Variants in LRPPRC observed in about 807,000 individuals in gnomAD.
LRPPRC encodes leucine rich pentatricopeptide repeat containing.
Under a neutral mutation model 180.3 loss-of-function variants are expected in LRPPRC, and 120 were observed. The ratio of observed to expected loss-of-function variants is 0.67; its 90% confidence interval spans 0.57 to 0.77. The LOEUF is 0.77. Ranked by LOEUF, LRPPRC falls within the 30% of genes least tolerant of loss-of-function variation. The pLI is 0.00. For synonymous variants in LRPPRC, 723 were observed against 600.0 expected (o/e 1.21, Z -3.00); for missense variants, 2,012 against 1,657.2 (o/e 1.21, Z -3.72).
intron 11 of LRPPRC, among the ~76,000 whole-genome samples, chr2:43,969,205 G>A (rs1673693149): frequency 6.6e-6 from 1 of 152,202 alleles, no homozygotes; most frequent in Non-Finnish European, 1.5e-5. Flanking sequence ...AAGGTCAGGA[G>A]ATCGAGACCA....
intron 1 of LRPPRC, among the ~76,000 whole-genome samples, chr2:43,985,813 G>C (rs912728099): frequency 6.6e-6 from 1 of 152,194 alleles, no homozygotes; most frequent in Admixed American, 6.5e-5. Context: ...GTTTTGGTAT[G>C]GACATGCATT....
intron 32 of LRPPRC, 42 bp from the exon 33 acceptor site, chr2:43,899,647 G>A (rs751133332): frequency 7.1e-7 from 1 of 1,403,110 alleles, no homozygotes; most frequent in African/African-American, 1.4e-5. Context: ...TTGCTTTTAT[G>A]TTAATATTAC....
At position 43,975,383 on chromosome 2, in the gene LRPPRC, A is replaced by C. The variant is rs113277249; in HGVS notation, c.738-166T>G. Among the ~76,000 whole-genome samples, 148 of 152,348 alleles carry C rather than the reference A, an allele frequency of 9.7e-4. 3 individuals are homozygous for C. Among genetic ancestry groups the C allele is most frequent in the African/African-American group, 3.4e-3 (141 of 41,580 alleles). Reference sequence around the variant, plus strand: ...TAAACTGGATATATGTTTCTGAAATAATAAAGATCATAAACATCTGATCCC... The same window carrying C: ...TAAACTGGATATATGTTTCTGAAATCATAAAGATCATAAACATCTGATCCC... On this transcript the variant is annotated intron_variant, in intron 6 of 37. Transcript: ENST00000260665.
chr2:43,929,768 A>C (rs1475732864), intron 25 of LRPPRC, among the ~76,000 whole-genome samples: 2 of 152,126 alleles, frequency 1.3e-5, no homozygotes, highest in Non-Finnish European at 2.9e-5. Context: ...TCCAAGATAG[A>C]CTTGAAGACC....
intron 31 of LRPPRC, among the ~76,000 whole-genome samples, chr2:43,904,165 C>T (rs955822548): frequency 6.6e-6 from 1 of 152,124 alleles, no homozygotes; most frequent in African/African-American, 2.4e-5. Flanking sequence ...TGGTCTTGAA[C>T]TCCTGGACTC....
intron 27 of LRPPRC, among the ~76,000 whole-genome samples, chr2:43,920,721 T>C (rs577751363): frequency 2.6e-5 from 4 of 152,238 alleles, no homozygotes; most frequent in East Asian, 1.9e-4. Flanking sequence ...TGAATCTTTA[T>C]TCTGCAGTGG....
At chr2:43,973,571 G>T (rs374508283) in intron 11 of LRPPRC, 36 bp downstream of exon 11, 5 of 1,336,148 alleles carry the variant, frequency 3.7e-6, no homozygotes, top group Non-Finnish European at 5.4e-6. Context: ...ACTGGCTCTG[G>T]GAACCATTAC....
rs560365776 is a variant in LRPPRC at position 43,960,057 on chromosome 2, T to C, written c.1582+484A>G. Reference sequence around the variant, plus strand: ...TTGTATTAACATGTGATGAGCATTATAAAGCACACTAGTGTTTAAAAATGT... The same window carrying C: ...TTGTATTAACATGTGATGAGCATTACAAAGCACACTAGTGTTTAAAAATGT... On this transcript the variant is annotated intron_variant, in intron 13 of 37. Transcript: ENST00000260665. Among the ~76,000 whole-genome samples, 59 of 152,352 alleles carry C rather than the reference T, an allele frequency of 3.9e-4. 1 individual carries two copies. The South Asian group carries it at 0.011, about 29-fold the overall frequency.
At chr2:43,945,283 A>AT (rs1452849643) in intron 22 of LRPPRC, 49 bp downstream of exon 22, 4 of 1,181,640 alleles carry the variant, frequency 3.4e-6, no homozygotes, top group East Asian at 2.3e-5. Flanking sequence ...ATGTTATTCC[A>AT]GTGGCAAGAT....
At chr2:43,975,335 G>T in intron 6 of LRPPRC, 118 bp from the exon 7 acceptor site, 1 of 805,592 alleles carries the variant, frequency 1.2e-6, no homozygotes, top group Non-Finnish European at 2.0e-6. Flanking sequence ...GAATTATGAT[G>T]TCAGAAAAGA....
Position 43,976,859 on chromosome 2 carries a change from C to T in LRPPRC, c.650+135G>A, listed in dbSNP as rs150843836. Reference sequence around the variant, plus strand: ...TTATATTTTATGTAAGTCAGATTACCAGATTTTCTAGATTAAAACAGTTCT... The same window carrying T: ...TTATATTTTATGTAAGTCAGATTACTAGATTTTCTAGATTAAAACAGTTCT... On this transcript the variant is annotated intron_variant, in intron 5 of 37. Coordinates refer to ENST00000260665, the MANE Select transcript of LRPPRC (RefSeq NM_133259.4). 88 of 694,566 alleles carry T rather than the reference C, an allele frequency of 1.3e-4. No homozygotes were observed. In the East Asian group the frequency reaches 2.4e-3, roughly 19 times the overall value. 43.0% of individuals were successfully genotyped at this position (694,566 alleles called of 1,614,324 possible).
chr2:43,894,393 T>C lies in LRPPRC; in HGVS notation c.3985+152A>G, dbSNP rs1670607270. 1.7e-6 allele frequency: 1 copy of C among 585,000 alleles called. No individual in the cohort carries two copies. The highest frequency in any genetic ancestry group is 3.1e-6 in the Non-Finnish European group (1 of 323,356). 36.2% of individuals were successfully genotyped at this position (585,000 alleles called of 1,614,324 possible). A position where few individuals can be genotyped will look rare whatever the true frequency, so the allele number is the denominator to read the frequency against. ...AAAAACATATTCCAGAACTGAGTTA[T>C]TTATATCATAATTATCTGATATTTA... On this transcript the variant is annotated intron_variant, in intron 36 of 37. Coordinates refer to ENST00000260665, the MANE Select transcript of LRPPRC (RefSeq NM_133259.4).
In LRPPRC at chr2:43,909,554, C is replaced by T. The variant is rs1461881495; in HGVS notation, c.3275+2878G>A. ...AACAGCTAACAATACTGTATTTATA[C>T]TGAAAATTGCTAAGAGGATAGATCA... On this transcript the variant is annotated intron_variant, in intron 30 of 37. Transcript: ENST00000260665. Among the ~76,000 whole-genome samples, 3 of 151,478 alleles carry T rather than the reference C, an allele frequency of 2.0e-5. No homozygotes were observed. In the East Asian group the frequency reaches 5.8e-4, roughly 29 times the overall value.
intron 36 of LRPPRC, among the ~76,000 whole-genome samples, chr2:43,890,997 C>T (rs1379470804): frequency 1.3e-5 from 2 of 152,210 alleles, no homozygotes; most frequent in Non-Finnish European, 2.9e-5. Flanking sequence ...TCCGGCAGCA[C>T]CAGGGGAACC....
Position 43,918,275 on chromosome 2 carries a change from A to G in LRPPRC, c.3020T>C (p.Val1007Ala). Residue 1007 changes from valine (V) to alanine (A), a missense_variant, in exon 28 of 38, where the codon GTT (valine) becomes GCT (alanine). Val to Ala is a moderately conservative substitution (Grantham distance 64, BLOSUM62 0). Transcript: ENST00000260665. ...AEILREGNQE[V>A]PFDVPELWYE... ...AATTACCTCAGGTACGTCAAACGGA[A>G]CTTCCTGGTTACCCTCTCTAAGGAT... The G allele has an allele frequency of 6.2e-7, 1 of 1,613,306 alleles. No individual in the cohort carries two copies. The highest frequency in any genetic ancestry group is 8.5e-7 in the Non-Finnish European group (1 of 1,179,260).
chr2:43,928,938 G>C (rs1291161162), intron 25 of LRPPRC, among the ~76,000 whole-genome samples: 11 of 152,062 alleles, frequency 7.2e-5, no homozygotes, highest in African/African-American at 2.7e-4. Context: ...GGAAGTCTTA[G>C]CAATAGCAAA....
chr2:43,993,100 A>G (rs1674859507), intron 1 of LRPPRC, among the ~76,000 whole-genome samples: 2 of 152,230 alleles, frequency 1.3e-5, no homozygotes, highest in Admixed American at 1.3e-4. Context: ...CAATACCAAG[A>G]AAAGTGTCTC....
At chr2:43,965,677 C>T (rs897455939) in intron 11 of LRPPRC, among the ~76,000 whole-genome samples, 1 of 151,986 alleles carries the variant, frequency 6.6e-6, no homozygotes, top group Admixed American at 6.6e-5. Flanking sequence ...CAAAAAAACC[C>T]CAAATAATTC....
At chr2:43,890,812 G>A (rs1670464760) in intron 36 of LRPPRC, among the ~76,000 whole-genome samples, 1 of 152,206 alleles carries the variant, frequency 6.6e-6, no homozygotes, top group Non-Finnish European at 1.5e-5. Context: ...AAATTTGGCT[G>A]GCTCTCTACT....
Sources: allele counts gnomAD v4.1 joint callset (sites outside exome capture counted in the v4.1 genomes callset), GRCh38; gene constraint gnomAD v4.1.1; transcripts MANE v1.5; gene names NCBI Gene and HGNC (gene_info 2026-07-23, HGNC 2026-07-21).